Variants in GCN1 observed in about 807,000 individuals in gnomAD.
The protein encoded by GCN1 is stalled ribosome sensor GCN1.
In GCN1, 90 loss-of-function variants were observed where a neutral mutation model predicts 288.4. The ratio of observed to expected loss-of-function variants is 0.31; its 90% CI spans 0.26 to 0.37. The LOEUF (loss-of-function observed/expected upper bound fraction) is 0.37. GCN1 is among the 10% of genes least tolerant of loss of function. The pLI, the probability that GCN1 is intolerant of heterozygous loss-of-function variation, is 1.00. For synonymous variants in GCN1, 1,386 were observed against 1,420.2 expected (o/e 0.98, Z 0.54); for missense variants, 2,586 against 3,419.9 (o/e 0.76, Z 6.08).
chr12:120,180,857 G>A (rs1299275177), intron 5 of GCN1, among the ~76,000 whole-genome samples: 2 of 151,974 alleles, frequency 1.3e-5, no homozygotes, highest in African/African-American at 4.8e-5. Flanking sequence ...GGGCATGGTG[G>A]CAGGCGCCTG....
chr12:120,186,233 G>A (rs1317317294), intron 2 of GCN1, among the ~76,000 whole-genome samples: 2 of 152,106 alleles, frequency 1.3e-5, no homozygotes, highest in Non-Finnish European at 2.9e-5. Context: ...CAGTTACTCA[G>A]GAGGCTAAGG....
chr12:120,171,485 C>G (rs1878312546), intron 14 of GCN1, among the ~76,000 whole-genome samples: 1 of 151,990 alleles, frequency 6.6e-6, no homozygotes, highest in Non-Finnish European at 1.5e-5. Context: ...AACTATAGCT[C>G]AAGCACATGT....
chr12:120,147,877 T>C (rs573787572), intron 37 of GCN1, among the ~76,000 whole-genome samples: 1 of 152,180 alleles, frequency 6.6e-6, no homozygotes, highest in Non-Finnish European at 1.5e-5. Flanking sequence ...AAAGGCCTCC[T>C]GGAATGAGAT....
chr12:120,182,568 A>G (rs957202666), intron 5 of GCN1, among the ~76,000 whole-genome samples: 6 of 152,232 alleles, frequency 3.9e-5, no homozygotes, highest in Non-Finnish European at 8.8e-5. Context: ...CAGGGTGAGT[A>G]GTATTTTCTT....
intron 14 of GCN1, among the ~76,000 whole-genome samples, chr12:120,173,074 T>C (rs950973516): frequency 5.3e-5 from 8 of 151,292 alleles, no homozygotes; most frequent in Non-Finnish European, 2.9e-5. Flanking sequence ...TTTTTTTTTT[T>C]TCCAAGACAG....
chr12:120,177,825 T>C, intron 7 of GCN1, 73 bp from the exon 8 acceptor site: 1 of 1,067,258 alleles, frequency 9.4e-7, no homozygotes, highest in South Asian at 1.3e-5. Context: ...GGGTCCCTCT[T>C]GTGAGAGTGC....
chr12:120,194,602 A>T, intron 1 of GCN1, 78 bp downstream of exon 1: 1 of 1,315,082 alleles, frequency 7.6e-7, no homozygotes. Flanking sequence ...TAAGCCGAGG[A>T]GCGAGAGGGG....
Position 120,148,157 on chromosome 12 carries a change from A to G in GCN1, c.4726+10T>C, listed in dbSNP as rs1877420858. On this transcript the variant is annotated intron_variant, in intron 37 of 57. Coordinates refer to ENST00000300648, the MANE Select transcript of GCN1 (RefSeq NM_006836.2). ...AGGTCAGGGCAAGCACCCTCACGGG[A>G]AAGGCCTACCCAGGATCTCCGGGTT... 6.2e-7 allele frequency: 1 copy of G among 1,603,836 alleles called. No individual in the cohort carries two copies. The highest frequency in any genetic ancestry group is 8.5e-7 in the Non-Finnish European group (1 of 1,174,190).
intron 21 of GCN1, 111 bp downstream of exon 21, chr12:120,161,769 G>T: frequency 9.0e-7 from 1 of 1,113,206 alleles, no homozygotes. Context: ...CTTAGCCAAT[G>T]AATGGATAGG....
chr12:120,140,556 C>T (rs1022288876), intron 45 of GCN1, among the ~76,000 whole-genome samples: 1 of 152,160 alleles, frequency 6.6e-6, no homozygotes, highest in Non-Finnish European at 1.5e-5. Context: ...TATAGCATCA[C>T]AAAAGAGACT....
chr12:120,188,505 C>G (rs1036070627), intron 2 of GCN1, among the ~76,000 whole-genome samples: 1 of 151,156 alleles, frequency 6.6e-6, no homozygotes, highest in African/African-American at 2.4e-5. Context: ...GGCCAATCAC[C>G]TACTACCATG....
chr12:120,151,445 T>C (rs1877551283), intron 33 of GCN1, 54 bp from the exon 34 acceptor site: 1 of 1,596,722 alleles, frequency 6.3e-7, no homozygotes. Context: ...CGTTTCATGG[T>C]TGGTGGGGGG....
At chr12:120,132,414 G>A (rs1457368788) in intron 53 of GCN1, among the ~76,000 whole-genome samples, 1 of 152,122 alleles carries the variant, frequency 6.6e-6, no homozygotes, top group African/African-American at 2.4e-5. Flanking sequence ...GGGGCAGGAG[G>A]GGAGGCACCT....
rs1877547709 is a variant in GCN1 at position 120,151,366 on chromosome 12, A to G, written c.4088T>C (p.Leu1363Ser). ...QQVQESVASC[L>S]PPLVPAIKED... is the part of the protein sequence containing the mutation. ...CTTGATGGCTGGCACAAGGGGTGGC[A>G]AGCAGCTGGCTACGGACTCCTGGAC... Residue 1363 changes from leucine to serine, a missense_variant, in exon 34 of 58, where the codon TTG (leucine) becomes TCG (serine). By Grantham distance (145) the Leu-to-Ser change is moderately radical (BLOSUM62 -2). This residue lies in a region of GCN1 where 332 missense variants were observed against 403.0 expected (regional missense o/e 0.82). Coordinates refer to ENST00000300648, the MANE Select transcript of GCN1 (RefSeq NM_006836.2). 6.2e-7 allele frequency: 1 copy of G among 1,613,604 alleles called. No individual in the cohort carries two copies.
Position 120,144,362 on chromosome 12 carries a change from G to T in GCN1, c.5439C>A (p.Ile1813=). The part of the protein sequence containing the change: ...RVISMYAETA[I]ALLLPQLEQG... Reference sequence around the variant, plus strand: ...GCTCTAGCTGGGGCAGCAGCAGGGCGATGGCTGTCTCAGCGTACATGGAGA... The same window carrying T: ...GCTCTAGCTGGGGCAGCAGCAGGGCTATGGCTGTCTCAGCGTACATGGAGA... The change falls in exon 42 of 58, where the codon ATC becomes ATA. Residue 1813 remains isoleucine (I), a synonymous_variant. Transcript: ENST00000300648. This position sits in a 1 kb window ranked among gnomAD's most constrained non-coding sequence, Gnocchi z 4.7. 6.2e-7 allele frequency: 1 copy of T among 1,614,190 alleles called. No homozygotes were observed. Among genetic ancestry groups the T allele is most frequent in the Non-Finnish European group, 8.5e-7 (1 of 1,179,986 alleles).
Position 120,155,028 on chromosome 12 carries a change from C to A in GCN1, c.3643G>T (p.Val1215Leu), listed in dbSNP as rs771781620. The change falls in exon 31 of 58, where the codon GTG becomes TTG. Residue 1215 changes from valine (V) to leucine (L), a missense_variant. By Grantham distance (32) the Val-to-Leu change is conservative (BLOSUM62 1). Coordinates refer to ENST00000300648, the MANE Select transcript of GCN1 (RefSeq NM_006836.2). This position sits in a 1 kb window ranked among gnomAD's most constrained non-coding sequence, Gnocchi z 4.9. ...ATAACTCGTCCCAAAGCATCCAGCA[C>A]TGGGGGCGGCCGCTGCAACAGACAA... is the stretch of plus-strand genomic sequence containing the variant. ...YQEKLYRPPP[V>L]LDALGRVISE... is the part of the protein sequence containing the mutation. The A allele has an allele frequency of 5.0e-6, 8 of 1,613,826 alleles. No individual in the cohort carries two copies. The highest frequency in any genetic ancestry group is 5.9e-6 in the Non-Finnish European group (7 of 1,179,652).
intron 9 of GCN1, among the ~76,000 whole-genome samples, chr12:120,176,650 T>C (rs1878490193): frequency 1.3e-5 from 2 of 152,252 alleles, no homozygotes; most frequent in African/African-American, 4.8e-5. Context: ...GAACAATGGC[T>C]AGCACCTCCA....
Position 120,129,455 on chromosome 12 carries a change from C to T in GCN1, c.7711G>A (p.Glu2571Lys). Residue 2571 changes from glutamate (E) to lysine (K), a missense_variant, in exon 57 of 58, where the codon GAG becomes AAG. Coordinates refer to ENST00000300648, the MANE Select transcript of GCN1 (RefSeq NM_006836.2). ...NPSSDIRLVA[E>K]KMIWWANKDP... ...TTATTTGCCCACCAGATCATCTTCTCAGCCACCAGCCTGATGTCGCTGGAT... is the reference window on the plus strand; with the variant it reads ...TTATTTGCCCACCAGATCATCTTCTTAGCCACCAGCCTGATGTCGCTGGAT... The T allele has an allele frequency of 1.9e-6, 3 of 1,614,108 alleles. No homozygotes were observed. Among genetic ancestry groups the T allele is most frequent in the African/African-American group, 1.3e-5 (1 of 75,048 alleles).
Position 120,153,368 on chromosome 12 carries a change from G to A in GCN1, c.3907C>T (p.Leu1303=), listed in dbSNP as rs11609206. 1.2e-6 allele frequency: 2 copies of A among 1,614,216 alleles called. No individual in the cohort carries two copies. The highest frequency in any genetic ancestry group is 1.7e-6 in the Non-Finnish European group (2 of 1,180,028). The change falls in exon 33 of 58, where the codon CTG becomes TTG. Residue 1303 remains leucine, a synonymous_variant. Transcript: ENST00000300648. This position sits in a 1 kb window ranked among gnomAD's most constrained non-coding sequence, Gnocchi z 4.4. ...CTGGCATCATTGGGCGCGTTCTTCA[G>A]GAACTCCTCGAATACTGGCAACAGC... is the stretch of plus-strand genomic sequence containing the variant. ...NSLLPVFEEF[L]KNAPNDASYD...
Sources: allele counts gnomAD v4.1 joint callset (sites outside exome capture counted in the v4.1 genomes callset), GRCh38; gene constraint gnomAD v4.1.1; regional missense constraint gnomAD v4.1.1; non-coding constraint Gnocchi (gnomAD v3.1); transcripts MANE v1.5; gene names NCBI Gene and HGNC (gene_info 2026-07-23, HGNC 2026-07-21).